The following RELCH variants were observed in gnomAD, a reference collection of about 807,000 sequenced individuals.
The protein encoded by RELCH is RAB11-binding protein RELCH.
A neutral mutation model predicts 150.3 loss-of-function variants in RELCH; 41 were observed. The ratio of observed to expected loss-of-function variants is 0.27; its 90% CI spans 0.21 to 0.35. RELCH has a LOEUF of 0.35. RELCH is among the 10% of genes least tolerant of loss of function. The pLI, the probability that RELCH is intolerant of heterozygous loss-of-function variation, is 1.00. For missense variants in RELCH, 1,092 were observed against 1,467.8 expected (o/e 0.74, Z 4.18); for synonymous variants, 478 against 531.8 (o/e 0.90, Z 1.39).
At chr18:62,190,262 A>G (rs1451301787) in intron 1 of RELCH, among the ~76,000 whole-genome samples, 1 of 152,182 alleles carries the variant, frequency 6.6e-6, no homozygotes, top group Non-Finnish European at 1.5e-5. Context: ...AGTTTTGACA[A>G]ATCAGTCACT....
intron 15 of RELCH, among the ~76,000 whole-genome samples, chr18:62,259,156 G>C (rs953179467): frequency 1.3e-5 from 2 of 151,816 alleles, no homozygotes; most frequent in African/African-American, 2.4e-5. Flanking sequence ...AATGTTGATG[G>C]AACAATAGAA....
intron 8 of RELCH, among the ~76,000 whole-genome samples, chr18:62,230,359 C>G (rs2041495021): frequency 6.6e-6 from 1 of 151,982 alleles, no homozygotes; most frequent in Non-Finnish European, 1.5e-5. Flanking sequence ...ATTATGGTCC[C>G]CCTCTGAGGG....
At chr18:62,223,979 A>G (rs1277026586) in intron 5 of RELCH, among the ~76,000 whole-genome samples, 2 of 151,542 alleles carry the variant, frequency 1.3e-5, no homozygotes, top group East Asian at 3.9e-4. Context: ...CTTTTTTTTT[A>G]TTATTATACT....
At chr18:62,285,060 C>T (rs1217054641) in intron 25 of RELCH, among the ~76,000 whole-genome samples, 1 of 152,110 alleles carries the variant, frequency 6.6e-6, no homozygotes, top group East Asian at 1.9e-4. Context: ...GGACAAGATT[C>T]CCTTTATGAC....
At chr18:62,260,193 C>CAAAAAAAAAAAAAAAAAA (rs377119786) in intron 15 of RELCH, among the ~76,000 whole-genome samples, 14 of 95,768 alleles carry the variant, frequency 1.5e-4, no homozygotes, top group Middle Eastern at 6.1e-3. Context: ...AACTCAACAG[C>CAAAAAAAAAAAAAAAAAA]AAAAAAAAAA....
At chr18:62,238,141 T>C (rs1177705893) in intron 10 of RELCH, among the ~76,000 whole-genome samples, 1 of 151,954 alleles carries the variant, frequency 6.6e-6, no homozygotes, top group East Asian at 1.9e-4. Flanking sequence ...CAGAAATATG[T>C]ACCTCTTAGG....
intron 13 of RELCH, among the ~76,000 whole-genome samples, chr18:62,257,108 A>G (rs2144637719): frequency 6.6e-6 from 1 of 152,154 alleles, no homozygotes; most frequent in Non-Finnish European, 1.5e-5. Flanking sequence ...TATCGTAGTT[A>G]TTGTATGTAA....
intron 2 of RELCH, among the ~76,000 whole-genome samples, chr18:62,219,929 T>C (rs889971830): frequency 3.3e-5 from 5 of 152,060 alleles, no homozygotes; most frequent in African/African-American, 1.2e-4. Flanking sequence ...AAAAATTGCA[T>C]CTTTAAGATG....
chr18:62,287,125 A>G (rs1461393836), intron 25 of RELCH, among the ~76,000 whole-genome samples: 1 of 152,222 alleles, frequency 6.6e-6, no homozygotes, highest in African/African-American at 2.4e-5. Context: ...TAATAGTGAC[A>G]GTACTAAAAT....
intron 1 of RELCH, among the ~76,000 whole-genome samples, chr18:62,191,653 T>C (rs922372744): frequency 6.6e-6 from 1 of 152,216 alleles, no homozygotes; most frequent in Non-Finnish European, 1.5e-5. Flanking sequence ...TGGTTTTCTG[T>C]TTCTGTGTTA....
chr18:62,260,630 C>A (rs1176413691), intron 15 of RELCH, among the ~76,000 whole-genome samples: 3 of 142,712 alleles, frequency 2.1e-5, no homozygotes, highest in Non-Finnish European at 3.1e-5. Context: ...ATATTTCTTA[C>A]AGCACTATTC....
chr18:62,187,771 C>T lies in RELCH; in HGVS notation c.266C>T (p.Pro89Leu), dbSNP rs1212625340. The T allele has an allele frequency of 6.2e-7, 1 of 1,608,846 alleles. No individual in the cohort carries two copies. The highest frequency in any genetic ancestry group is 2.2e-5 in the East Asian group (1 of 44,672). The part of the protein sequence containing the change: ...AVALGGTGET[P>L]ARLSIDAIAA... ...GCCCTGGGGGGCACCGGGGAGACCCCGGCCCGATTATCAATTGATGCGATC... is the reference window on the plus strand; with the variant it reads ...GCCCTGGGGGGCACCGGGGAGACCCTGGCCCGATTATCAATTGATGCGATC... The change falls in exon 1 of 29, where the codon CCG becomes CTG. Residue 89 changes from proline (P) to leucine (L), a missense_variant. Around this residue, in one of 4 missense-constraint regions of RELCH, gnomAD observed 138 missense variants for 124.8 expected, o/e 1.11. Coordinates refer to ENST00000644646, the MANE Select transcript of RELCH (RefSeq NM_001346231.2).
chr18:62,202,031 G>T (rs2039486676), intron 1 of RELCH, among the ~76,000 whole-genome samples: 1 of 152,130 alleles, frequency 6.6e-6, no homozygotes, highest in Non-Finnish European at 1.5e-5. Context: ...AATAGGTTTA[G>T]TTCTCAGACT....
chr18:62,205,429 G>A (rs765004301), intron 1 of RELCH, among the ~76,000 whole-genome samples: 2 of 151,884 alleles, frequency 1.3e-5, no homozygotes, highest in African/African-American at 2.4e-5. Context: ...TTTTCCTACC[G>A]TAAAGTACTA....
chr18:62,207,176 A>G (rs1173951510), intron 1 of RELCH, among the ~76,000 whole-genome samples: 1 of 152,080 alleles, frequency 6.6e-6, no homozygotes, highest in Non-Finnish European at 1.5e-5. Context: ...ACTAATCTCT[A>G]TGTCTATAGA....
intron 1 of RELCH, among the ~76,000 whole-genome samples, chr18:62,201,429 C>T (rs1314888485): frequency 1.3e-5 from 2 of 151,882 alleles, no homozygotes; most frequent in African/African-American, 4.8e-5. Flanking sequence ...TTGAATAAAT[C>T]GTCTTTACTG....
intron 1 of RELCH, among the ~76,000 whole-genome samples, chr18:62,188,836 C>G (rs1267673918): frequency 6.6e-6 from 1 of 152,148 alleles, no homozygotes; most frequent in Non-Finnish European, 1.5e-5. Flanking sequence ...ATGTAGTGTA[C>G]TGTATGTAGG....
In RELCH at chr18:62,187,374, C is replaced by T; in HGVS notation, c.-132C>T. 1.3e-6 allele frequency: 1 copy of T among 798,968 alleles called. No homozygotes were observed. Among genetic ancestry groups the T allele is most frequent in the South Asian group, 2.8e-5 (1 of 35,378 alleles). The allele number at this position is 798,968 out of a possible 1,614,324, so 49.5% of individuals were successfully genotyped here. A position where few individuals can be genotyped will look rare whatever the true frequency, so the allele number is the denominator to read the frequency against. ...TCCTGCCTTGGAGCGTACTCCTTGT[C>T]TCTAAGTCGGGAGGCAGGACGTGGT... is the stretch of plus-strand genomic sequence containing the variant. On this transcript the variant is annotated 5_prime_UTR_variant, in exon 1 of 29. Coordinates refer to ENST00000644646, the MANE Select transcript of RELCH (RefSeq NM_001346231.2).
At chr18:62,298,752 G>A in intron 27 of RELCH, 38 bp from the exon 28 acceptor site, 2 of 953,114 alleles carry the variant, frequency 2.1e-6, no homozygotes, top group Non-Finnish European at 3.4e-6. Context: ...ATTTTACTAT[G>A]TAAACTGTAT....
Sources: allele counts gnomAD v4.1 joint callset (sites outside exome capture counted in the v4.1 genomes callset), GRCh38; gene constraint gnomAD v4.1.1; regional missense constraint gnomAD v4.1.1; transcripts MANE v1.5; gene names NCBI Gene and HGNC (gene_info 2026-07-23, HGNC 2026-07-21).